Variants in IGSF11 observed in about 807,000 individuals in gnomAD.
The protein encoded by IGSF11 is immunoglobulin superfamily member 11.
A neutral mutation model predicts 41.0 loss-of-function variants in IGSF11; 22 were observed. The observed-to-expected ratio is 0.54, with a 90% CI of 0.38 to 0.77. The LOEUF (loss-of-function observed/expected upper bound fraction) is 0.77, where lower values mean the gene tolerates loss of function less well. IGSF11 is among the 30% of genes least tolerant of loss of function. IGSF11 has a pLI of 0.00. For synonymous variants in IGSF11, 219 were observed against 201.3 expected (o/e 1.09, Z -0.74); for missense variants, 444 against 530.8 (o/e 0.84, Z 1.61).
intron 1 of IGSF11, among the ~76,000 whole-genome samples, chr3:119,101,964 T>C (rs373216388): frequency 3.9e-5 from 6 of 152,354 alleles, no homozygotes; most frequent in African/African-American, 1.4e-4. Context: ...AATTACTTCA[T>C]CTATATTTTA....
intron 4 of IGSF11, among the ~76,000 whole-genome samples, chr3:118,920,340 T>TTAAATAAATAAATAAA (rs200987239): frequency 6.7e-6 from 1 of 149,330 alleles, no homozygotes; most frequent in African/African-American, 2.5e-5. Flanking sequence ...AATAAATAAA[T>TTAAATAAATAAATAAA]TAAATAAATA....
At chr3:118,920,805 GAT>G (rs1941702228) in intron 4 of IGSF11, among the ~76,000 whole-genome samples, 1 of 152,030 alleles carries the variant, frequency 6.6e-6, no homozygotes, top group Admixed American at 6.6e-5. Context: ...TATTGCTAAA[GAT>G]ATAGCATATT....
At chr3:119,010,376 T>C (rs1299891636) in intron 1 of IGSF11, among the ~76,000 whole-genome samples, 1 of 152,242 alleles carries the variant, frequency 6.6e-6, no homozygotes, top group Non-Finnish European at 1.5e-5. Context: ...GTTAATTGTA[T>C]GTGTCAACTT....
rs1024810965 is a variant in IGSF11, at chr3:118,963,347, T to C, written c.53-33072A>G. On this transcript the variant is annotated intron_variant, in intron 1 of 6. Coordinates refer to ENST00000393775, the MANE Select transcript of IGSF11 (RefSeq NM_001015887.3). ...TCAATGGATTGTCTCTCTCTGACAA[T>C]AGGATGTGAAATCATGATTACTAAA... is the stretch of plus-strand genomic sequence containing the variant. Among the ~76,000 whole-genome samples, 3 of 152,298 alleles carry C rather than the reference T, an allele frequency of 2.0e-5. No homozygotes were observed. The East Asian group carries it at 5.8e-4, about 29-fold the overall frequency.
intron 1 of IGSF11, among the ~76,000 whole-genome samples, chr3:118,954,531 T>C (rs1355846623): frequency 6.6e-6 from 1 of 152,136 alleles, no homozygotes; most frequent in African/African-American, 2.4e-5. Flanking sequence ...TGCTAATATT[T>C]TGACTTCCTC....
intron 3 of IGSF11, among the ~76,000 whole-genome samples, chr3:118,927,557 CA>C (rs1942438394): frequency 6.6e-6 from 1 of 152,054 alleles, no homozygotes; most frequent in African/African-American, 2.4e-5. Flanking sequence ...AAAAAGGCAC[CA>C]AAGGCCGAGG....
rs1368726493 is a variant in IGSF11, at chr3:119,052,774, G to C, written c.49+52370C>G. ...AAATACTAACTAATCGAATCCAACA[G>C]CTTATCAAAAAGATAATCCACCATT... On this transcript the variant is annotated intron_variant, in intron 1 of 6. Transcript: ENST00000354673. Among the ~76,000 whole-genome samples the C allele has an allele frequency of 2.0e-5, 3 of 151,882 alleles. No individual in the cohort carries two copies. The East Asian group carries it at 5.8e-4, about 29-fold the overall frequency.
At chr3:118,981,861 C>G (rs189583646) in intron 1 of IGSF11, 1 of 152,688 alleles carries the variant, frequency 6.5e-6, no homozygotes, top group Non-Finnish European at 1.5e-5. Flanking sequence ...TCTTCCCAAC[C>G]GCCAGTTGAG....
chr3:119,143,014 AAAG>A (rs1022459598), intron 1 of IGSF11, among the ~76,000 whole-genome samples: 9 of 152,204 alleles, frequency 5.9e-5, no homozygotes, highest in Non-Finnish European at 1.2e-4. Flanking sequence ...TTTCAGAAAT[AAAG>A]AAGAAATTAA....
chr3:119,057,496 T>C (rs1941892096), intron 1 of IGSF11, among the ~76,000 whole-genome samples: 1 of 152,144 alleles, frequency 6.6e-6, no homozygotes, highest in Admixed American at 6.5e-5. Flanking sequence ...TGGAAGAACA[T>C]TCCATGCTCA....
chr3:119,082,919 G>A (rs2076606158), intron 1 of IGSF11, among the ~76,000 whole-genome samples: 1 of 151,992 alleles, frequency 6.6e-6, no homozygotes, highest in African/African-American at 2.4e-5. Flanking sequence ...TCTCAAGGGA[G>A]TATAAAAAGA....
chr3:118,944,147 G>A (rs1415420753), intron 1 of IGSF11, among the ~76,000 whole-genome samples: 2 of 152,082 alleles, frequency 1.3e-5, no homozygotes, highest in African/African-American at 4.8e-5. Flanking sequence ...CTTCTAACTA[G>A]TTTAAAGCAT....
At chr3:119,030,326 G>A (rs1207182935) in intron 1 of IGSF11, among the ~76,000 whole-genome samples, 1 of 152,038 alleles carries the variant, frequency 6.6e-6, no homozygotes, top group Non-Finnish European at 1.5e-5. Flanking sequence ...TATGAGTGAG[G>A]CAGACCCATA....
chr3:118,965,544 A>C (rs1287484462), intron 1 of IGSF11, among the ~76,000 whole-genome samples: 1 of 152,040 alleles, frequency 6.6e-6, no homozygotes, highest in Non-Finnish European at 1.5e-5. Flanking sequence ...AAAAAAAAAA[A>C]AGTCATTAAA....
At chr3:119,036,353 A>G (rs1467177161), upstream of IGSF11, among the ~76,000 whole-genome samples, 2 of 152,198 alleles carry the variant, frequency 1.3e-5, no homozygotes, top group African/African-American at 2.4e-5. Flanking sequence ...GGTAAGGACT[A>G]GAGTTTCTTT....
Position 118,902,858 on chromosome 3 carries a change from G to T in IGSF11, c.958C>A (p.Arg320=). ...ACTTTTGGATTGTTGCTCCAGTATC[G>T]ACTGTTGTAGGCATTGGAAGAGGTT... ...TLTSSNAYNS[R]YWSNNPKVHR... is the part of the protein sequence containing the mutation. The change falls in exon 7 of 7, where the codon CGA becomes AGA. Residue 320 remains arginine, a synonymous_variant. Transcript: ENST00000393775. The T allele has an allele frequency of 1.2e-6, 2 of 1,614,112 alleles. No individual in the cohort carries two copies. The highest frequency in any genetic ancestry group is 1.3e-5 in the African/African-American group (1 of 75,044).
intron 1 of IGSF11, among the ~76,000 whole-genome samples, chr3:119,047,459 T>C (rs570679439): frequency 6.6e-6 from 1 of 152,270 alleles, no homozygotes; most frequent in East Asian, 1.9e-4. Context: ...ATCCTAAATA[T>C]ATATGCACCC....
intron 1 of IGSF11, among the ~76,000 whole-genome samples, chr3:118,944,443 G>A (rs944985024): frequency 2.2e-5 from 3 of 139,524 alleles, no homozygotes; most frequent in Non-Finnish European, 4.6e-5. Context: ...GTGGTCTATT[G>A]CCTTAGCTTG....
At chr3:119,048,347 C>A (rs1209276150) in intron 1 of IGSF11, among the ~76,000 whole-genome samples, 1 of 152,002 alleles carries the variant, frequency 6.6e-6, no homozygotes, top group Non-Finnish European at 1.5e-5. Context: ...ATACAAACTA[C>A]CATCAGAGAA....
Sources: allele counts gnomAD v4.1 joint callset (sites outside exome capture counted in the v4.1 genomes callset), GRCh38; gene constraint gnomAD v4.1.1; transcripts MANE v1.5; gene names NCBI Gene and HGNC (gene_info 2026-07-23, HGNC 2026-07-21).